The following ZZEF1 variants were observed in gnomAD, a reference collection of about 807,000 sequenced individuals.
ZZEF1 encodes zinc finger ZZ-type and EF-hand domain containing 1.
A neutral mutation model predicts 342.8 loss-of-function variants in ZZEF1; 157 were observed. That is an observed-to-expected ratio of 0.46 (90% CI 0.40 to 0.52). The LOEUF (loss-of-function observed/expected upper bound fraction) is 0.52. Ranked by LOEUF, ZZEF1 falls within the 20% of genes least tolerant of loss-of-function variation. The pLI is 0.00. For missense variants in ZZEF1, 3,480 were observed against 3,725.6 expected (o/e 0.93, Z 1.72); for synonymous variants, 1,505 against 1,429.1 (o/e 1.05, Z -1.20).
At chr17:4,031,471 T>G (rs992781766) in intron 42 of ZZEF1, among the ~76,000 whole-genome samples, 2 of 151,994 alleles carry the variant, frequency 1.3e-5, no homozygotes, top group Non-Finnish European at 1.5e-5. Context: ...TCCAAGATAA[T>G]TGGATGGAGA....
intron 37 of ZZEF1, among the ~76,000 whole-genome samples, chr17:4,049,064 G>A (rs1302622177): frequency 2.6e-5 from 4 of 152,068 alleles, no homozygotes; most frequent in Non-Finnish European, 1.5e-5. Flanking sequence ...AAACTACCAG[G>A]AGACAGGTAA....
chr17:4,054,114 G>A lies in ZZEF1; in HGVS notation c.5377C>T (p.His1793Tyr). 2.5e-6 allele frequency: 4 copies of A among 1,613,884 alleles called. No individual in the cohort carries two copies. The highest frequency in any genetic ancestry group is 3.4e-6 in the Non-Finnish European group (4 of 1,179,894). ...CTGCACTGCAGACAGCGGTATCGAT[G>A]CCAGGGGGCAATCTCATCACACCCA... ...CDGCDEIAPW[H>Y]RYRCLQCSDM... Residue 1793 changes from histidine (H) to tyrosine (Y), a missense_variant, in exon 34 of 55, where the codon CAT becomes TAT. Around this residue, in one of 5 missense-constraint regions of ZZEF1, gnomAD observed 175 missense variants for 254.6 expected, o/e 0.69. Transcript: ENST00000381638.
At chr17:4,115,175 C>T (rs1293550145) in intron 3 of ZZEF1, among the ~76,000 whole-genome samples, 1 of 152,038 alleles carries the variant, frequency 6.6e-6, no homozygotes, top group African/African-American at 2.4e-5. Flanking sequence ...GTGTGCACCA[C>T]CACGCCTGGC....
chr17:4,036,357 C>A (rs190679928), intron 39 of ZZEF1, among the ~76,000 whole-genome samples: 1 of 152,074 alleles, frequency 6.6e-6, no homozygotes, highest in African/African-American at 2.4e-5. Context: ...CGCTAGAATT[C>A]CAGGAGCATT....
intron 3 of ZZEF1, 152 bp downstream of exon 3, chr17:4,116,820 G>T: frequency 1.3e-6 from 1 of 794,346 alleles, no homozygotes; most frequent in Non-Finnish European, 1.9e-6. Context: ...AGAAGAAAGG[G>T]AATGAGGAGA....
chr17:4,032,301 G>A (rs776356722), intron 41 of ZZEF1, 43 bp from the exon 42 acceptor site: 5 of 1,594,510 alleles, frequency 3.1e-6, no homozygotes, highest in Non-Finnish European at 2.6e-6. Context: ...CTCAAACATG[G>A]AGACAAGAAA....
chr17:4,142,007 A>G (rs2058860880), intron 1 of ZZEF1, among the ~76,000 whole-genome samples: 1 of 152,220 alleles, frequency 6.6e-6, no homozygotes, highest in Non-Finnish European at 1.5e-5. Flanking sequence ...AGTCTAATAT[A>G]TGGTTCTTTA....
intron 3 of ZZEF1, among the ~76,000 whole-genome samples, chr17:4,116,672 G>A (rs1377806): frequency 0.5 from 75,292 of 152,076 alleles, 20,919 homozygotes; most frequent in East Asian, 0.73. Flanking sequence ...CAATAAGCGC[G>A]ATTTCCACCA....
intron 9 of ZZEF1, among the ~76,000 whole-genome samples, chr17:4,101,279 G>C (rs1007649673): frequency 9.2e-5 from 14 of 152,238 alleles, no homozygotes; most frequent in Admixed American, 7.2e-4. Flanking sequence ...CAACCACTGA[G>C]AACATACGAG....
chr17:4,064,352 C>A lies in ZZEF1; in HGVS notation c.4718+9G>T, dbSNP rs200105461. On this transcript the variant is annotated intron_variant, in intron 29 of 54. Coordinates refer to ENST00000381638, the MANE Select transcript of ZZEF1 (RefSeq NM_015113.4). ...AGAGAAAGCGACAGGAAGGTAACAA[C>A]GGGCTTACCTCCTGTGCGAGAGCGA... The A allele has an allele frequency of 6.4e-7, 1 of 1,558,886 alleles. No individual in the cohort carries two copies.
chr17:4,132,855 A>C (rs1183926910), intron 1 of ZZEF1, among the ~76,000 whole-genome samples: 2 of 149,004 alleles, frequency 1.3e-5, no homozygotes, highest in African/African-American at 2.4e-5. Flanking sequence ...AGTCCCAGCT[A>C]CTCGGGAGAC....
intron 39 of ZZEF1, among the ~76,000 whole-genome samples, chr17:4,036,797 ACACACACACACACACACACACTCTCT>A (rs1408907657): frequency 1.1e-5 from 1 of 93,480 alleles, no homozygotes; most frequent in Non-Finnish European, 1.9e-5. Context: ...ACACACACAC[ACACACACACACACACACACACTCTCT>A]CTCTCTCTCT....
chr17:4,036,120 A>C (rs990375217), intron 39 of ZZEF1, among the ~76,000 whole-genome samples: 1 of 151,476 alleles, frequency 6.6e-6, no homozygotes, highest in Non-Finnish European at 1.5e-5. Context: ...AAAGGAGGAC[A>C]CCTCAAAAGA....
chr17:4,135,996 C>CTTTTT (rs59632245), intron 1 of ZZEF1, among the ~76,000 whole-genome samples: 2 of 125,514 alleles, frequency 1.6e-5, no homozygotes, highest in African/African-American at 2.9e-5. Context: ...GATATTTTCT[C>CTTTTT]TTTTTTTTTT....
chr17:4,086,473 C>A lies in ZZEF1; in HGVS notation c.2512+13G>T. The A allele has an allele frequency of 1.2e-6, 2 of 1,613,880 alleles. No individual in the cohort carries two copies. Among genetic ancestry groups the A allele is most frequent in the South Asian group, 1.1e-5 (1 of 91,058 alleles). On this transcript the variant is annotated intron_variant, in intron 15 of 54. Transcript: ENST00000381638. The stretch of plus-strand genomic sequence containing the variant: ...ACACAGGGTTGTATTAAAGAGAAAA[C>A]CCAAATCCCTACCATCACACAAGTG...
chr17:4,049,657 T>A, intron 37 of ZZEF1, 51 bp downstream of exon 37: 1 of 1,608,414 alleles, frequency 6.2e-7, no homozygotes, highest in South Asian at 1.1e-5. Flanking sequence ...AGTGAATGGC[T>A]CTCTCTAGAG....
rs2057838158 is a variant in ZZEF1 at position 4,086,777 on chromosome 17, T to C, written c.2343-122A>G. The C allele has an allele frequency of 5.8e-6, 5 of 864,044 alleles. No homozygotes were observed. The Admixed American group carries it at 1.3e-4, about 23-fold the overall frequency. The allele number at this position is 864,044 out of a possible 1,614,324, so 53.5% of individuals were successfully genotyped here. A position where few individuals can be genotyped will look rare whatever the true frequency, so the allele number is the denominator to read the frequency against. Reference sequence around the variant, plus strand: ...CAGGCTCGATGAAAATAATGCCAACTGATGCAAACTGAGAGGAAGAAGGGT... The same window carrying C: ...CAGGCTCGATGAAAATAATGCCAACCGATGCAAACTGAGAGGAAGAAGGGT... On this transcript the variant is annotated intron_variant, in intron 14 of 54. Transcript: ENST00000381638.
chr17:4,104,880 T>A, intron 7 of ZZEF1, 69 bp from the exon 8 acceptor site: 2 of 1,374,280 alleles, frequency 1.5e-6, no homozygotes, highest in Admixed American at 2.1e-5. Flanking sequence ...TCAAACCCCA[T>A]GTAAGTGATC....
intron 1 of ZZEF1, among the ~76,000 whole-genome samples, chr17:4,137,385 C>A (rs527968827): frequency 6.6e-6 from 1 of 152,114 alleles, no homozygotes; most frequent in Non-Finnish European, 1.5e-5. Flanking sequence ...CCGAGGTGGG[C>A]GGATCACAAG....
Sources: allele counts gnomAD v4.1 joint callset (sites outside exome capture counted in the v4.1 genomes callset), GRCh38; gene constraint gnomAD v4.1.1; regional missense constraint gnomAD v4.1.1; transcripts MANE v1.5; gene names NCBI Gene and HGNC (gene_info 2026-07-23, HGNC 2026-07-21).